EXT1: variants seen among roughly 807,000 people sequenced by gnomAD.
EXT1 encodes exostosin glycosyltransferase 1, also known as exostosin-1.
A neutral mutation model predicts 82.5 loss-of-function variants in EXT1; 20 were observed. The observed-to-expected ratio is 0.24, with a 90% CI of 0.17 to 0.35. The LOEUF is 0.35. Among genes scored for constraint, EXT1 ranks in the 10% least tolerant of loss-of-function variants. The pLI is 1.00. For missense variants in EXT1, 757 were observed against 936.5 expected, an observed-to-expected ratio of 0.81 and a Z score of 2.50; for synonymous variants, 348 against 350.8, an observed-to-expected ratio of 0.99 and a Z score of 0.09.
intron 1 of EXT1, among the ~76,000 whole-genome samples, chr8:117,999,544 A>G (rs1193433904): frequency 6.6e-6 from 1 of 152,252 alleles, no homozygotes; most frequent in Non-Finnish European, 1.5e-5. Flanking sequence ...ATCCTCTAAT[A>G]TGCTTAAAAT....
chr8:117,987,681 A>G (rs1002096530), intron 1 of EXT1, among the ~76,000 whole-genome samples: 2 of 152,252 alleles, frequency 1.3e-5, no homozygotes, highest in African/African-American at 4.8e-5. Flanking sequence ...TTAACATAAC[A>G]GGAAGCCATC....
At chr8:118,081,711 A>T (rs17506086) in intron 1 of EXT1, among the ~76,000 whole-genome samples, 1 of 152,330 alleles carries the variant, frequency 6.6e-6, no homozygotes, top group Admixed American at 6.5e-5. Context: ...TGCCACTGTC[A>T]TTTAATGAAT....
intron 1 of EXT1, among the ~76,000 whole-genome samples, chr8:117,934,198 G>A (rs569425250): frequency 6.6e-6 from 1 of 152,006 alleles, no homozygotes; most frequent in Admixed American, 6.6e-5. Context: ...CAGGCTTGTC[G>A]GGTTTTGTTC....
chr8:117,880,012 G>A (rs1187817019), intron 1 of EXT1, among the ~76,000 whole-genome samples: 1 of 152,154 alleles, frequency 6.6e-6, no homozygotes, highest in Non-Finnish European at 1.5e-5. Flanking sequence ...AAAATAATGA[G>A]TTAGCCTTTG....
intron 1 of EXT1, among the ~76,000 whole-genome samples, chr8:117,927,126 T>A (rs1813967299): frequency 2.0e-5 from 3 of 152,136 alleles, no homozygotes; most frequent in Admixed American, 1.3e-4. Context: ...AAAGGCAGAG[T>A]TACAAACACT....
At chr8:118,046,375 C>A (rs1194842455) in intron 1 of EXT1, among the ~76,000 whole-genome samples, 6 of 152,170 alleles carry the variant, frequency 3.9e-5, no homozygotes, top group African/African-American at 1.4e-4. Flanking sequence ...CCAGGACTGA[C>A]CCTCACACTG....
At chr8:118,086,759 A>G (rs1184670446) in intron 1 of EXT1, among the ~76,000 whole-genome samples, 3 of 152,224 alleles carry the variant, frequency 2.0e-5, no homozygotes, top group Non-Finnish European at 4.4e-5. Flanking sequence ...ATCTAAAATT[A>G]GAAACCACTA....
intron 1 of EXT1, among the ~76,000 whole-genome samples, chr8:118,054,539 C>T (rs1816764979): frequency 6.6e-6 from 1 of 152,178 alleles, no homozygotes; most frequent in Non-Finnish European, 1.5e-5. Flanking sequence ...ACACTTTGGC[C>T]AAGCATTTGA....
intron 1 of EXT1, among the ~76,000 whole-genome samples, chr8:118,074,114 T>C (rs1226092655): frequency 6.8e-6 from 1 of 146,604 alleles, no homozygotes; most frequent in Non-Finnish European, 1.5e-5. Flanking sequence ...GGGTGAGGTA[T>C]GACAGAAATG....
chr8:118,007,274 G>C (rs933770870), intron 1 of EXT1, among the ~76,000 whole-genome samples: 1 of 151,968 alleles, frequency 6.6e-6, no homozygotes, highest in Non-Finnish European at 1.5e-5. Flanking sequence ...TCCAACCTGG[G>C]GGACACAGCG....
At chr8:117,972,002 T>A (rs1293030383) in intron 1 of EXT1, among the ~76,000 whole-genome samples, 1 of 151,860 alleles carries the variant, frequency 6.6e-6, no homozygotes, top group East Asian at 1.9e-4. Context: ...AATACAAAAT[T>A]AGCCGAGCGT....
At chr8:117,807,691 C>T (rs1823259248) in intron 8 of EXT1, among the ~76,000 whole-genome samples, 1 of 152,136 alleles carries the variant, frequency 6.6e-6, no homozygotes, top group Admixed American at 6.5e-5. Flanking sequence ...TTTCCCCCTT[C>T]CTCAAAGGTG....
At chr8:117,986,179 A>ATTCTTTTCTTTTCTT (rs141596459) in intron 1 of EXT1, among the ~76,000 whole-genome samples, 5 of 67,620 alleles carry the variant, frequency 7.4e-5, no homozygotes, top group African/African-American at 3.2e-4. Flanking sequence ...TTGCTTAACT[A>ATTCTTTTCTTTTCTT]TTCTTTTCTT....
chr8:118,010,529 A>T (rs1563628665), intron 1 of EXT1, among the ~76,000 whole-genome samples: 1 of 152,150 alleles, frequency 6.6e-6, no homozygotes. Flanking sequence ...TTACAAAGAA[A>T]ACCAACATAA....
chr8:118,003,515 A>G (rs1815716189), intron 1 of EXT1, among the ~76,000 whole-genome samples: 1 of 152,228 alleles, frequency 6.6e-6, no homozygotes, highest in African/African-American at 2.4e-5. Flanking sequence ...CCAAAATCAA[A>G]GAAGGGAAAT....
At chr8:117,816,031 G>A (rs72673926) in intron 7 of EXT1, among the ~76,000 whole-genome samples, 4,318 of 151,516 alleles carry the variant, frequency 0.028, 86 homozygotes, top group Middle Eastern at 0.041. Flanking sequence ...GGGGAGGGAG[G>A]TACATAAGAA....
intron 1 of EXT1, among the ~76,000 whole-genome samples, chr8:117,987,314 C>T (rs1226937648): frequency 3.3e-5 from 5 of 152,220 alleles, no homozygotes; most frequent in Admixed American, 1.3e-4. Flanking sequence ...AGTGACCAGA[C>T]ACTGGGAAAA....
At chr8:118,043,905 C>G (rs1816577695) in intron 1 of EXT1, among the ~76,000 whole-genome samples, 1 of 152,204 alleles carries the variant, frequency 6.6e-6, no homozygotes, top group African/African-American at 2.4e-5. Context: ...ATACCATCTA[C>G]AGAATAATAA....
intron 1 of EXT1, among the ~76,000 whole-genome samples, chr8:118,044,294 G>C (rs1346849992): frequency 6.6e-6 from 1 of 152,152 alleles, no homozygotes; most frequent in Non-Finnish European, 1.5e-5. Context: ...AAGTCACACA[G>C]TTAATGGTTG....
Sources: gnomAD v4.1 joint callset for allele counts (sites outside exome capture counted in the v4.1 genomes callset) on GRCh38, gnomAD v4.1.1 for gene constraint, MANE v1.5 for transcripts, NCBI Gene and HGNC (gene_info 2026-07-23, HGNC 2026-07-21) for gene names.